Variants in TEX15 observed in about 807,000 individuals in gnomAD.
The protein encoded by TEX15 is testis expressed 15, meiosis and synapsis associated.
Under a neutral mutation model 237.3 loss-of-function variants are expected in TEX15, and 171 were observed. The observed-to-expected ratio is 0.72, with a 90% CI of 0.64 to 0.82. The LOEUF (loss-of-function observed/expected upper bound fraction) is 0.82, where lower values mean the gene tolerates loss of function less well. Ranked by LOEUF, TEX15 falls within the 40% of genes least tolerant of loss-of-function variation. TEX15 has a pLI of 0.00. For synonymous variants in TEX15, 1,338 were observed against 1,269.8 expected, an observed-to-expected ratio of 1.05 and a Z score of -1.14; for missense variants, 3,750 against 3,646.5, an observed-to-expected ratio of 1.03 and a Z score of -0.73.
chr8:30,860,679 T>A lies in TEX15; in HGVS notation c.541-622A>T, dbSNP rs377415575. Among the ~76,000 whole-genome samples the A allele has an allele frequency of 7.4e-4, 112 of 151,010 alleles. 2 individuals are homozygous for A. The South Asian group carries it at 0.023, about 31-fold the overall frequency. On this transcript the variant is annotated intron_variant, in intron 5 of 10. Transcript: ENST00000643185. ...TCTTGGGCTCCACGATTCTCCTGCC[T>A]CAGTCTCCTGAATGGCTGGGATTAC...
intron 3 of TEX15, among the ~76,000 whole-genome samples, chr8:30,879,812 G>A (rs1808479727): frequency 6.6e-6 from 1 of 151,990 alleles, no homozygotes; most frequent in African/African-American, 2.4e-5. Flanking sequence ...ACATCTTAGC[G>A]GGATTTTGAT....
At chr8:30,911,482 C>A (rs958913837) in intron 1 of TEX15, among the ~76,000 whole-genome samples, 4 of 152,108 alleles carry the variant, frequency 2.6e-5, no homozygotes, top group African/African-American at 9.7e-5. Flanking sequence ...TCCTTCTCCA[C>A]CAACACACAT....
chr8:30,836,945 A>G lies in TEX15; in HGVS notation c.9339T>C (p.Asn3113=), dbSNP rs1437018861. ...CAGGTATTTGAGATTGAAAATACCC[A>G]TTCACTGGCACAAAGCCATTTGCTT... is the stretch of plus-strand genomic sequence containing the variant. ...EPQANGFVPV[N]GYFQSQIPAS... Residue 3113 remains asparagine (N), a synonymous_variant, in exon 10 of 11, where the codon AAT becomes AAC. Transcript: ENST00000643185. 2 of 1,614,220 alleles carry G rather than the reference A, an allele frequency of 1.2e-6. No individual in the cohort carries two copies. Among genetic ancestry groups the G allele is most frequent in the Non-Finnish European group, 1.7e-6 (2 of 1,180,030 alleles).
At chr8:30,836,205 G>GT (rs33984716) in intron 10 of TEX15, among the ~76,000 whole-genome samples, 3,735 of 43,206 alleles carry the variant, frequency 0.086, 1,695 homozygotes, top group African/African-American at 0.18. Flanking sequence ...TCACTGTATC[G>GT]TTTTTTTTTT....
At position 30,844,987 on chromosome 8, in the gene TEX15, T is replaced by A; in HGVS notation, c.5180A>T (p.Asp1727Val). ...IPQLSAAAVT[D>V]SEGESSKSYL... ...AGATTTTGAAGATTCTCCCTCACTA[T>A]CTGTCACTGCAGCGGCTGATAACTG... Residue 1727 changes from aspartate (D) to valine (V), a missense_variant, in exon 8 of 11, where the codon GAT (aspartate) becomes GTT (valine). By Grantham distance (152) the Asp-to-Val change is radical. Coordinates refer to ENST00000643185, the MANE Select transcript of TEX15 (RefSeq NM_001350162.2). The A allele has an allele frequency of 6.2e-7, 1 of 1,613,584 alleles. No homozygotes were observed. The highest frequency in any genetic ancestry group is 8.5e-7 in the Non-Finnish European group (1 of 1,179,536).
chr8:30,837,388 T>C lies in TEX15; in HGVS notation c.8896A>G (p.Met2966Val), dbSNP rs751891509. 9 of 1,614,146 alleles carry C rather than the reference T, an allele frequency of 5.6e-6. No individual in the cohort carries two copies. The highest frequency in any genetic ancestry group is 2.2e-5 in the East Asian group (1 of 44,880). ...GTATTGGGATTCAATGTATCCTTCATGTATTTGTCCTCTGACTCAGTTTCT... is the reference window on the plus strand; with the variant it reads ...GTATTGGGATTCAATGTATCCTTCACGTATTTGTCCTCTGACTCAGTTTCT... ...PTETESEDKY[M>V]KDTLNPNTVH... Residue 2966 changes from methionine to valine, a missense_variant, in exon 10 of 11, where the codon ATG becomes GTG. Physicochemically the swap from Met to Val is conservative, Grantham distance 21. Transcript: ENST00000643185.
intron 2 of TEX15, chr8:30,888,704 T>A: frequency 1.6e-6 from 2 of 1,244,592 alleles, no homozygotes; most frequent in Non-Finnish European, 2.1e-6. Context: ...TAGATCACAA[T>A]CCAAATTAAA....
intron 3 of TEX15, among the ~76,000 whole-genome samples, chr8:30,877,975 C>T (rs1808434871): frequency 6.6e-6 from 1 of 152,122 alleles, no homozygotes. Flanking sequence ...CTCCCACACC[C>T]CCATTCTCCT....
rs373604496 is a variant in TEX15 at position 30,847,946 on chromosome 8, T to C, written c.2221A>G (p.Ile741Val). ...TTCAGTTCCATTAGCTTTTGAGCAA[T>C]GGCTAAACTTGTATGAATGTTACCC... ...YEGNIHTSLA[I>V]AQKLMELKLG... The change falls in exon 8 of 11, where the codon ATT (isoleucine) becomes GTT (valine). Residue 741 changes from isoleucine (I) to valine (V), a missense_variant. Transcript: ENST00000643185. 11 of 1,613,906 alleles carry C rather than the reference T, an allele frequency of 6.8e-6. No individual in the cohort carries two copies. In the African/African-American group the frequency reaches 8.0e-5, roughly 12 times the overall value.
At chr8:30,857,055 G>A (rs570393858) in intron 7 of TEX15, among the ~76,000 whole-genome samples, 1 of 152,200 alleles carries the variant, frequency 6.6e-6, no homozygotes, top group South Asian at 2.1e-4. Flanking sequence ...TTTTAATGAA[G>A]TTACAATAAT....
chr8:30,837,461 A>G lies in TEX15; in HGVS notation c.8823T>C (p.Cys2941=). ...GCAGAGTAGGAATTTTGTTCTGGATACAGATGGGTTCTGGAGAAGTCATGC... is the reference window on the plus strand; with the variant it reads ...GCAGAGTAGGAATTTTGTTCTGGATGCAGATGGGTTCTGGAGAAGTCATGC... ...SSCMTSPEPI[C]IQNKIPTLQI... is the part of the protein sequence containing the mutation. Residue 2941 remains cysteine (C), a synonymous_variant, in exon 10 of 11, where the codon TGT becomes TGC. Coordinates refer to ENST00000643185, the MANE Select transcript of TEX15 (RefSeq NM_001350162.2). The G allele has an allele frequency of 6.2e-7, 1 of 1,614,112 alleles. No homozygotes were observed. The highest frequency in any genetic ancestry group is 8.5e-7 in the Non-Finnish European group (1 of 1,179,988).
intron 10 of TEX15, among the ~76,000 whole-genome samples, chr8:30,835,533 C>T (rs925095016): frequency 1.3e-5 from 2 of 152,048 alleles, no homozygotes; most frequent in Non-Finnish European, 2.9e-5. Context: ...ATGAATGTGC[C>T]ACTGGACTCC....
rs1319055179 is a variant in TEX15 at position 30,881,623 on chromosome 8, TTTATTA to T, written c.136+5538_136+5543del. On this transcript the variant is annotated intron_variant, in intron 3 of 10. Transcript: ENST00000643185. ...CTTCCATCTTGACTTTTTATTTTTTTTTATTATTTTTTTTTTTTGAGACAGTCTTGC... is the reference window on the plus strand; with the variant it reads ...CTTCCATCTTGACTTTTTATTTTTTTTTTTTTTTTTTTGAGACAGTCTTGC... 8.6e-3 allele frequency among the ~76,000 whole-genome samples: 987 copies of T among 114,782 alleles called. 240 individuals carry two copies. The highest frequency in any genetic ancestry group is 0.059 in the African/African-American group (932 of 15,678). The allele number at this position is 114,782 out of a possible 152,430, so 75.3% of individuals were successfully genotyped here.
intron 7 of TEX15, among the ~76,000 whole-genome samples, chr8:30,857,740 A>T (rs1807941785): frequency 6.6e-6 from 1 of 152,230 alleles, no homozygotes; most frequent in African/African-American, 2.4e-5. Context: ...AGTGTAGCAA[A>T]AACACTGAAA....
chr8:30,837,335 A>G lies in TEX15; in HGVS notation c.8949T>C (p.His2983=), dbSNP rs1005440392. 2.5e-6 allele frequency: 4 copies of G among 1,614,048 alleles called. No individual in the cohort carries two copies. Among genetic ancestry groups the G allele is most frequent in the Non-Finnish European group, 3.4e-6 (4 of 1,180,030 alleles). The stretch of plus-strand genomic sequence containing the variant: ...CTCCTTGATTCACATTAAGGGTTAT[A>G]TGCCCAGATGCTCCAAAAGTATGCA... ...NTVHTFGASG[H]ITLNVNQGAE... Residue 2983 remains histidine (H), a synonymous_variant, in exon 10 of 11, where the codon CAT becomes CAC. Coordinates refer to ENST00000643185, the MANE Select transcript of TEX15 (RefSeq NM_001350162.2).
chr8:30,889,321 G>A (rs1017981811), intron 2 of TEX15, among the ~76,000 whole-genome samples: 15 of 152,158 alleles, frequency 9.9e-5, no homozygotes, highest in African/African-American at 3.4e-4. Flanking sequence ...GTGTGGTGGT[G>A]TGTGCCTGTA....
At chr8:30,899,072 T>C (rs890088883) in intron 1 of TEX15, among the ~76,000 whole-genome samples, 4 of 152,128 alleles carry the variant, frequency 2.6e-5, no homozygotes, top group Non-Finnish European at 4.4e-5. Context: ...TTTTCTTCCC[T>C]TCAGTACATT....
chr8:30,911,425 T>A (rs1205327883), intron 1 of TEX15, among the ~76,000 whole-genome samples: 6 of 152,220 alleles, frequency 3.9e-5, no homozygotes, highest in African/African-American at 7.2e-5. Context: ...ATGCTAGGAC[T>A]ACAGGCGTTG....
intron 3 of TEX15, among the ~76,000 whole-genome samples, chr8:30,883,690 T>C (rs1330626405): frequency 1.3e-5 from 2 of 152,226 alleles, no homozygotes; most frequent in African/African-American, 4.8e-5. Context: ...CTCATTCCTT[T>C]TTATGGCCGC....
Sources: allele counts gnomAD v4.1 joint callset (sites outside exome capture counted in the v4.1 genomes callset), GRCh38; gene constraint gnomAD v4.1.1; transcripts MANE v1.5; gene names NCBI Gene and HGNC (gene_info 2026-07-23, HGNC 2026-07-21).